CSMD3: variants seen among roughly 807,000 people sequenced by gnomAD.
CSMD3 encodes CUB and sushi domain-containing protein 3.
A neutral mutation model predicts 435.2 loss-of-function variants in CSMD3; 177 were observed. That is an observed-to-expected ratio of 0.41 (90% confidence interval 0.36 to 0.46). The LOEUF is 0.46. CSMD3 is among the 20% of genes least tolerant of loss of function. The probability of loss-of-function intolerance (pLI) is 0.34; values close to 1 mark genes in which losing one functional copy is unlikely to be tolerated. For synonymous variants in CSMD3, 1,656 were observed against 1,520.5 expected (o/e 1.09, Z -2.07); for missense variants, 4,265 against 4,504.6 (o/e 0.95, Z 1.52).
At chr8:112,705,428 ATTTC>A (rs1465152271) in intron 13 of CSMD3, among the ~76,000 whole-genome samples, 2 of 151,976 alleles carry the variant, frequency 1.3e-5, no homozygotes, top group Non-Finnish European at 2.9e-5. Flanking sequence ...CGAATTTAGG[ATTTC>A]TTTGTCTAAA....
chr8:112,851,946 G>A (rs1195050532), intron 11 of CSMD3, among the ~76,000 whole-genome samples: 2 of 152,122 alleles, frequency 1.3e-5, no homozygotes. Flanking sequence ...CAAGTAGATG[G>A]CAGTAAAGGA....
intron 59 of CSMD3, among the ~76,000 whole-genome samples, chr8:112,269,119 G>A (rs1173023891): frequency 6.6e-6 from 1 of 152,176 alleles, no homozygotes; most frequent in African/African-American, 2.4e-5. Flanking sequence ...GAACCACTGT[G>A]CTGAGGAATA....
chr8:113,377,705 G>C (rs1216059201), intron 1 of CSMD3, among the ~76,000 whole-genome samples: 2 of 152,110 alleles, frequency 1.3e-5, no homozygotes, highest in African/African-American at 2.4e-5. Flanking sequence ...CTGCAATTCA[G>C]TTCAATCATG....
At chr8:113,048,903 AC>A (rs1353051194) in intron 5 of CSMD3, among the ~76,000 whole-genome samples, 2 of 151,970 alleles carry the variant, frequency 1.3e-5, no homozygotes, top group Non-Finnish European at 1.5e-5. Flanking sequence ...TTTGAATTCT[AC>A]TCTTAGAACC....
At chr8:112,929,870 G>C (rs1205738896) in intron 9 of CSMD3, among the ~76,000 whole-genome samples, 1 of 152,000 alleles carries the variant, frequency 6.6e-6, no homozygotes, top group Non-Finnish European at 1.5e-5. Context: ...TTCTGTGACA[G>C]AAATGTTTTT....
intron 10 of CSMD3, among the ~76,000 whole-genome samples, chr8:112,886,417 T>C (rs1185645120): frequency 6.6e-6 from 1 of 151,504 alleles, no homozygotes; most frequent in East Asian, 2.0e-4. Flanking sequence ...CTAGATCAGT[T>C]GTTTGCTCAA....
chr8:112,985,363 C>T (rs570948849), intron 6 of CSMD3, among the ~76,000 whole-genome samples: 21 of 151,900 alleles, frequency 1.4e-4, no homozygotes, highest in African/African-American at 5.1e-4. Context: ...AATGAAAAAA[C>T]GAAATAGTAG....
At chr8:112,994,062 G>C (rs769321370) in intron 6 of CSMD3, among the ~76,000 whole-genome samples, 2 of 151,716 alleles carry the variant, frequency 1.3e-5, no homozygotes, top group Non-Finnish European at 2.9e-5. Flanking sequence ...TTACACCAAG[G>C]AAGAAGCTCA....
At chr8:113,215,703 T>C (rs773646142) in intron 3 of CSMD3, among the ~76,000 whole-genome samples, 1 of 151,914 alleles carries the variant, frequency 6.6e-6, no homozygotes, top group African/African-American at 2.4e-5. Flanking sequence ...CAAAAACATA[T>C]AGCCTTGATA....
At chr8:112,715,513 C>T (rs1201731836) in intron 13 of CSMD3, among the ~76,000 whole-genome samples, 1 of 152,130 alleles carries the variant, frequency 6.6e-6, no homozygotes, top group Non-Finnish European at 1.5e-5. Flanking sequence ...GAGCTGGTAC[C>T]ATTCCTTCTG....
chr8:113,250,144 G>A (rs2093321194), intron 3 of CSMD3, among the ~76,000 whole-genome samples: 1 of 152,076 alleles, frequency 6.6e-6, no homozygotes, highest in Non-Finnish European at 1.5e-5. Context: ...GGATCTAAGA[G>A]AATTGTAATT....
chr8:113,027,143 TG>T (rs1196899850), intron 5 of CSMD3, among the ~76,000 whole-genome samples: 3 of 152,170 alleles, frequency 2.0e-5, no homozygotes, highest in Non-Finnish European at 4.4e-5. Flanking sequence ...ATTCTCTTCC[TG>T]TAGTTTTAAA....
chr8:113,284,472 C>G (rs2093632468), intron 2 of CSMD3, among the ~76,000 whole-genome samples: 1 of 152,120 alleles, frequency 6.6e-6, no homozygotes, highest in Non-Finnish European at 1.5e-5. Flanking sequence ...AGTAGAGACT[C>G]TTGTTCAGAG....
At chr8:112,478,405 T>C (rs910943030) in intron 31 of CSMD3, among the ~76,000 whole-genome samples, 7 of 152,196 alleles carry the variant, frequency 4.6e-5, no homozygotes, top group South Asian at 4.1e-4. Flanking sequence ...GGTAGAAATA[T>C]GGACAGTGAA....
At chr8:112,934,526 G>T (rs1464667101) in intron 9 of CSMD3, among the ~76,000 whole-genome samples, 1 of 152,090 alleles carries the variant, frequency 6.6e-6, no homozygotes, top group Non-Finnish European at 1.5e-5. Context: ...GATGATGCTG[G>T]ATTTTCAGTG....
At chr8:112,535,590 T>C (rs935182480) in intron 27 of CSMD3, among the ~76,000 whole-genome samples, 56 of 152,042 alleles carry the variant, frequency 3.7e-4, no homozygotes, top group African/African-American at 1.3e-3. Context: ...AAAATGGCCA[T>C]AGTGCCCAAG....
At chr8:113,269,668 C>T (rs1020356745) in intron 3 of CSMD3, among the ~76,000 whole-genome samples, 257 of 151,550 alleles carry the variant, frequency 1.7e-3, no homozygotes, top group African/African-American at 6.0e-3. Context: ...CATCTACAAC[C>T]ATCTGATCTT....
intron 3 of CSMD3, among the ~76,000 whole-genome samples, chr8:113,239,039 T>C (rs1368652801): frequency 1.3e-5 from 2 of 152,148 alleles, no homozygotes; most frequent in Non-Finnish European, 1.5e-5. Flanking sequence ...AACACTCAAA[T>C]ATACCAAAAG....
At chr8:112,545,493 A>C (rs1396811001) in intron 27 of CSMD3, among the ~76,000 whole-genome samples, 1 of 143,366 alleles carries the variant, frequency 7.0e-6, no homozygotes, top group Non-Finnish European at 1.5e-5. Flanking sequence ...AAAAAAAAAA[A>C]AAAAAAAAAA....
Sources: allele counts gnomAD v4.1 joint callset (sites outside exome capture counted in the v4.1 genomes callset), GRCh38; gene constraint gnomAD v4.1.1; transcripts MANE v1.5; gene names NCBI Gene and HGNC (gene_info 2026-07-23, HGNC 2026-07-21).